The following MACF1 variants were observed in gnomAD, a reference collection of about 807,000 sequenced individuals.
The protein encoded by MACF1 is microtubule-actin cross-linking factor 1.
In MACF1, 193 loss-of-function variants were observed where a neutral mutation model predicts 854.8. That is an observed-to-expected ratio of 0.23 (90% CI 0.20 to 0.25). The LOEUF (loss-of-function observed/expected upper bound fraction) is 0.25. Among genes scored for constraint, MACF1 ranks in the 10% least tolerant of loss-of-function variants. MACF1 has a pLI of 1.00. For synonymous variants in MACF1, 3,185 were observed against 3,226.7 expected (o/e 0.99, Z 0.44); for missense variants, 7,722 against 8,929.1 (o/e 0.86, Z 5.45).
At chr1:39,350,155 A>G (rs754830400) in intron 42 of MACF1, among the ~76,000 whole-genome samples, 2 of 152,232 alleles carry the variant, frequency 1.3e-5, no homozygotes, top group African/African-American at 4.8e-5. Flanking sequence ...AGGATTTCAG[A>G]AAAGATTATC....
chr1:39,477,058 T>TACACAC (rs1644902417), intron 97 of MACF1, among the ~76,000 whole-genome samples: 1 of 19,590 alleles, frequency 5.1e-5, no homozygotes, highest in Non-Finnish European at 8.5e-5. Context: ...TATATATATA[T>TACACAC]ATATATATAT....
intron 2 of MACF1, among the ~76,000 whole-genome samples, chr1:39,134,748 CATA>C (rs1643121091): frequency 6.6e-6 from 1 of 152,046 alleles, no homozygotes; most frequent in African/African-American, 2.4e-5. Context: ...TAGTAGGAGT[CATA>C]ATAACAATAC....
At position 39,316,182 on chromosome 1, in the gene MACF1, A is replaced by G. The variant is rs6692656; in HGVS notation, c.3450-209A>G. ...GTCCACCACATGTATGCATGTTCCA[A>G]TGCCACTTAGAACTTTATTTTGAAT... On this transcript the variant is annotated intron_variant, in intron 27 of 100. Transcript: ENST00000564288. Among the ~76,000 whole-genome samples the G allele has an allele frequency of 0.068, 10,298 of 152,266 alleles. 905 individuals carry two copies. The highest frequency in any genetic ancestry group is 0.21 in the African/African-American group (8,605 of 41,526).
intron 2 of MACF1, among the ~76,000 whole-genome samples, chr1:39,102,134 G>C (rs993750196): frequency 6.6e-6 from 1 of 151,468 alleles, no homozygotes; most frequent in Non-Finnish European, 1.5e-5. Flanking sequence ...CCGAGATCGC[G>C]CCACTGCACT....
chr1:39,282,998 T>G (rs1215905424), intron 7 of MACF1, 191 bp from the exon 8 acceptor site: 3 of 530,838 alleles, frequency 5.7e-6, no homozygotes, highest in Non-Finnish European at 6.6e-6. Flanking sequence ...ATGTTTAAGT[T>G]TAGCATTAGG....
intron 49 of MACF1, among the ~76,000 whole-genome samples, chr1:39,366,534 C>T (rs1648727661): frequency 6.6e-6 from 1 of 151,970 alleles, no homozygotes; most frequent in African/African-American, 2.4e-5. Flanking sequence ...TTTTGTGTTT[C>T]TTGTTAGTTG....
intron 58 of MACF1, among the ~76,000 whole-genome samples, chr1:39,398,477 A>G (rs990990851): frequency 2.0e-5 from 3 of 151,956 alleles, no homozygotes; most frequent in Non-Finnish European, 4.4e-5. Flanking sequence ...AAAAGCTGCT[A>G]CTGGCATCTA....
chr1:39,187,850 C>CTCTCTCTCTCTG lies in MACF1; in HGVS notation c.221-43321_221-43320insGTCTCTCTCTCT, dbSNP rs1553160165. 2.3e-3 allele frequency among the ~76,000 whole-genome samples: 244 copies of CTCTCTCTCTCTG among 106,422 alleles called. 1 individual carries two copies. The highest frequency in any genetic ancestry group is 5.6e-3 in the Admixed American group (53 of 9,408). 69.8% of individuals were successfully genotyped at this position (106,422 alleles called of 152,430 possible). A position where few individuals can be genotyped will look rare whatever the true frequency, so the allele number is the denominator to read the frequency against. On this transcript the variant is annotated intron_variant, in intron 2 of 93. Transcript: ENST00000361689. The stretch of plus-strand genomic sequence containing the variant: ...AGGATATTAATTAGAGGCTGTCTTT[C>CTCTCTCTCTCTG]TCTCTCTCTCTCTCTGTCTCTCTCT...
chr1:39,343,280 CTTCTA>C (rs1646976215), intron 40 of MACF1, among the ~76,000 whole-genome samples: 1 of 152,130 alleles, frequency 6.6e-6, no homozygotes, highest in Non-Finnish European at 1.5e-5. Context: ...ATGTCCCCTC[CTTCTA>C]TTCTATCTTC....
At position 39,441,095 on chromosome 1, in the gene MACF1, G is replaced by A; in HGVS notation, c.18540G>A (p.Glu6180=). Residue 6180 remains glutamate, a synonymous_variant, in exon 73 of 101, where the codon GAG becomes GAA. Transcript: ENST00000564288. The stretch of plus-strand genomic sequence containing the variant: ...TGATTTTTGCCTGTGGAGAAACTGA[G>A]AAGCCTGAAGTGAGGAAGAGCATTG... The part of the protein sequence containing the change: ...ADLIFACGET[E]KPEVRKSIDE... The A allele has an allele frequency of 6.2e-7, 1 of 1,614,216 alleles. No homozygotes were observed. The highest frequency in any genetic ancestry group is 8.5e-7 in the Non-Finnish European group (1 of 1,180,034).
intron 2 of MACF1, among the ~76,000 whole-genome samples, chr1:39,193,780 A>AAGAGAGAGAGGGAGAGAG (rs1557510303): frequency 6.6e-6 from 1 of 151,674 alleles, no homozygotes; most frequent in Non-Finnish European, 1.5e-5. Flanking sequence ...CAGCCCTGGT[A>AAGAGAGAGAGGGAGAGAG]AGAGAGAGAG....
intron 41 of MACF1, 32 bp from the exon 42 acceptor site, chr1:39,349,446 A>G: frequency 1.3e-6 from 2 of 1,566,990 alleles, no homozygotes; most frequent in Non-Finnish European, 1.7e-6. Flanking sequence ...TGAATTACGA[A>G]ATGTCTCTTG....
intron 57 of MACF1, 64 bp downstream of exon 57, chr1:39,385,993 T>G: frequency 2.0e-6 from 3 of 1,506,464 alleles, no homozygotes; most frequent in Non-Finnish European, 2.7e-6. Flanking sequence ...AGGAATGGGT[T>G]AGGAGTAGTC....
intron 2 of MACF1, among the ~76,000 whole-genome samples, chr1:39,124,823 A>G (rs1399522791): frequency 6.6e-6 from 1 of 152,232 alleles, no homozygotes; most frequent in African/African-American, 2.4e-5. Flanking sequence ...CCATTTTCGG[A>G]TGAAGAAACA....
Position 39,084,449 on chromosome 1 carries a change from T to TC in MACF1, c.220+16dup. On this transcript the variant is annotated intron_variant, in intron 2 of 93. Coordinates refer to the MACF1 transcript ENST00000361689. The surrounding 1 kb of genome is among the most constrained non-coding windows in gnomAD (Gnocchi z 5.2). ...TGGTCAGAGTCGCTGGTAAGAGAGG[T>TC]CCCCCAGCAGGCTGGACGCTGTGGG... 2.5e-6 allele frequency: 4 copies of TC among 1,601,990 alleles called. No homozygotes were observed. Among genetic ancestry groups the TC allele is most frequent in the Non-Finnish European group, 3.4e-6 (4 of 1,178,020 alleles).
chr1:39,357,885 C>T lies in MACF1; in HGVS notation c.11935C>T (p.His3979Tyr), dbSNP rs1569677941. The T allele has an allele frequency of 6.2e-7, 1 of 1,609,164 alleles. No homozygotes were observed. Among genetic ancestry groups the T allele is most frequent in the African/African-American group, 1.3e-5 (1 of 74,828 alleles). Residue 3979 changes from histidine (H) to tyrosine (Y), a missense_variant, in exon 45 of 101, where the codon CAC (histidine) becomes TAC (tyrosine). This residue lies in a region of MACF1 where 2,807 missense variants were observed against 3,235.8 expected (regional missense o/e 0.87). Transcript: ENST00000564288. Reference sequence around the variant, plus strand: ...TGCAACAGAAAGATACACTGCTCTCCACTCAAAGGTAAGGGGGCAGTTCCT... The same window carrying T: ...TGCAACAGAAAGATACACTGCTCTCTACTCAAAGGTAAGGGGGCAGTTCCT... ...KDATERYTAL[H>Y]SKCTRLGSHL...
At chr1:39,232,746 G>GTTTTTTTTTT (rs10712180) in intron 2 of MACF1, among the ~76,000 whole-genome samples, 12 of 128,482 alleles carry the variant, frequency 9.3e-5, no homozygotes, top group African/African-American at 1.7e-4. Context: ...TACTCTCTTT[G>GTTTTTTTTTT]TTTTTTTTTT....
At position 39,297,085 on chromosome 1, in the gene MACF1, G is replaced by A. The variant is rs568040512; in HGVS notation, c.2356-535G>A. Among the ~76,000 whole-genome samples, 5 of 151,916 alleles carry A rather than the reference G, an allele frequency of 3.3e-5. No homozygotes were observed. The South Asian group carries it at 6.3e-4, about 19-fold the overall frequency. On this transcript the variant is annotated intron_variant, in intron 20 of 100. Transcript: ENST00000564288. ...ACTACAGGCGCCCACCACCACGCCCGGCTAATTTTTTTGTATTTTTTTAGT... is the reference window on the plus strand; with the variant it reads ...ACTACAGGCGCCCACCACCACGCCCAGCTAATTTTTTTGTATTTTTTTAGT...
intron 43 of MACF1, among the ~76,000 whole-genome samples, chr1:39,351,895 A>C (rs1177860593): frequency 6.6e-6 from 1 of 152,092 alleles, no homozygotes; most frequent in Admixed American, 6.6e-5. Context: ...GCCAAATGAC[A>C]TATTTTAATA....
Sources: allele counts gnomAD v4.1 joint callset (sites outside exome capture counted in the v4.1 genomes callset), GRCh38; gene constraint gnomAD v4.1.1; regional missense constraint gnomAD v4.1.1; non-coding constraint Gnocchi (gnomAD v3.1); transcripts MANE v1.5; gene names NCBI Gene and HGNC (gene_info 2026-07-23, HGNC 2026-07-21).